CEPT1: variants seen among roughly 807,000 people sequenced by gnomAD.
The protein encoded by CEPT1 is choline/ethanolamine phosphotransferase 1.
In CEPT1, 7 loss-of-function variants were observed where a neutral mutation model predicts 42.6. That is an observed-to-expected ratio of 0.16 (90% confidence interval 0.09 to 0.31). The LOEUF is 0.31. Among genes scored for constraint, CEPT1 ranks in the 10% least tolerant of loss-of-function variants. CEPT1 has a pLI of 1.00. For synonymous variants in CEPT1, 171 were observed against 171.9 expected, an observed-to-expected ratio of 0.99 and a Z score of 0.04; for missense variants, 306 against 502.1, an observed-to-expected ratio of 0.61 and a Z score of 3.73.
chr1:111,162,019 A>G (rs986657886), intron 4 of CEPT1, among the ~76,000 whole-genome samples: 3 of 152,338 alleles, frequency 2.0e-5, no homozygotes, highest in Admixed American at 6.5e-5. Context: ...ATGTATTTAG[A>G]GAACTGTAAA....
chr1:111,180,620 A>G (rs943502084), intron 5 of CEPT1: 4 of 152,236 alleles, frequency 2.6e-5, no homozygotes, highest in Non-Finnish European at 5.9e-5. Flanking sequence ...ACACTGCTAC[A>G]GTACAATTTA....
chr1:111,144,690 G>T (rs573469823), intron 1 of CEPT1, among the ~76,000 whole-genome samples: 1 of 152,248 alleles, frequency 6.6e-6, no homozygotes, highest in African/African-American at 2.4e-5. Context: ...TACAGTAAGA[G>T]AATAGAATAC....
chr1:111,141,608 GT>G (rs1009770495), intron 1 of CEPT1, among the ~76,000 whole-genome samples: 1 of 151,936 alleles, frequency 6.6e-6, no homozygotes, highest in East Asian at 1.9e-4. Context: ...GTGTGTGTGT[GT>G]TTTTTTAAGG....
rs112315218 is a variant in CEPT1 at position 111,154,404 on chromosome 1, T to C, written c.340-4976T>C. On this transcript the variant is annotated intron_variant, in intron 2 of 8. Transcript: ENST00000357172. ...TGAGTTTTTTGATGCAGTCTTTAAG[T>C]TTTCCCATATATAAGTTCATATAAT... Among the ~76,000 whole-genome samples the C allele has an allele frequency of 6.9e-3, 1,049 of 152,182 alleles. 14 individuals are homozygous for C. The highest frequency in any genetic ancestry group is 0.021 in the African/African-American group (873 of 41,506).
At chr1:111,177,594 G>A (rs1031388742) in intron 5 of CEPT1, among the ~76,000 whole-genome samples, 1 of 151,940 alleles carries the variant, frequency 6.6e-6, no homozygotes, top group African/African-American at 2.4e-5. Flanking sequence ...AATTCCTTCA[G>A]GTATACTTTT....
intron 3 of CEPT1, chr1:111,160,941 T>C: frequency 1.8e-6 from 1 of 557,204 alleles, no homozygotes; most frequent in South Asian, 2.1e-5. Flanking sequence ...TTGCTTCCAC[T>C]AAGTGATTTG....
chr1:111,162,625 T>C (rs970022714), intron 4 of CEPT1, among the ~76,000 whole-genome samples: 1 of 152,224 alleles, frequency 6.6e-6, no homozygotes, highest in African/African-American at 2.4e-5. Context: ...ATGAAATTTA[T>C]TGAACAGCCA....
intron 5 of CEPT1, chr1:111,181,207 T>G (rs1311244039): frequency 2.6e-5 from 4 of 152,154 alleles, no homozygotes; most frequent in Non-Finnish European, 1.5e-5. Flanking sequence ...AACTCATGGC[T>G]TATTAAACCA....
At chr1:111,151,123 T>G (rs944656607) in intron 2 of CEPT1, among the ~76,000 whole-genome samples, 2 of 143,286 alleles carry the variant, frequency 1.4e-5, no homozygotes, top group African/African-American at 2.6e-5. Context: ...TGTTTTTTTT[T>G]GTTTGTTTTT....
chr1:111,144,529 A>G (rs1462727061), intron 1 of CEPT1, among the ~76,000 whole-genome samples: 3 of 152,220 alleles, frequency 2.0e-5, no homozygotes, highest in African/African-American at 7.2e-5. Context: ...AGAAGGTTAA[A>G]AAACAATCTA....
At chr1:111,167,796 A>T (rs998369395) in intron 4 of CEPT1, 1 of 899,260 alleles carries the variant, frequency 1.1e-6, no homozygotes, top group African/African-American at 1.8e-5. Context: ...TCATGTTACT[A>T]TAGTCATTCT....
chr1:111,169,757 T>C (rs1656329630), intron 4 of CEPT1, among the ~76,000 whole-genome samples: 1 of 152,216 alleles, frequency 6.6e-6, no homozygotes, highest in Non-Finnish European at 1.5e-5. Flanking sequence ...TGTTTCTAAG[T>C]GAATTTGATT....
intron 5 of CEPT1, among the ~76,000 whole-genome samples, chr1:111,176,427 T>G (rs1656679422): frequency 6.6e-6 from 1 of 152,140 alleles, no homozygotes; most frequent in Non-Finnish European, 1.5e-5. Context: ...CTATGGTGAT[T>G]ATTATTTTTA....
intron 5 of CEPT1, chr1:111,178,859 T>C (rs1237612585): frequency 1.3e-5 from 2 of 152,326 alleles, no homozygotes; most frequent in Non-Finnish European, 2.9e-5. Flanking sequence ...ATTGATTATA[T>C]CTCATTCTTG....
intron 7 of CEPT1, among the ~76,000 whole-genome samples, 176 bp from the exon 8 acceptor site, chr1:111,183,286 G>C (rs1657081244): frequency 6.6e-6 from 1 of 152,142 alleles, no homozygotes; most frequent in South Asian, 2.1e-4. Flanking sequence ...TAGTTGACAT[G>C]ATACATCCCT....
In CEPT1 at chr1:111,184,233, TGCAA is replaced by T. The variant is rs767489870; in HGVS notation, c.1175_1178del (p.Cys392PhefsTer31). 1.2e-6 allele frequency: 2 copies of T among 1,613,686 alleles called. No individual in the cohort carries two copies. Among genetic ancestry groups the T allele is most frequent in the Non-Finnish European group, 1.7e-6 (2 of 1,179,614 alleles). The stretch of plus-strand genomic sequence containing the variant: ...TTTGATCCGCTACTGTGTCAGTGTT[TGCAA>T]TCAGATTGCGTCTCACCTGCACATA... On this transcript the variant is annotated frameshift_variant, in exon 9 of 9. Coordinates refer to ENST00000357172, the MANE Select transcript of CEPT1 (RefSeq NM_006090.5). LOFTEE classifies it high-confidence loss of function.
chr1:111,158,902 C>CTTTTTTTTT lies in CEPT1; in HGVS notation c.340-457_340-449dup, dbSNP rs149230078. ...CAGGAAATTTAATTCTTTTACAATT[C>CTTTTTTTTT]TTTTTTTTTTTTTTTTTTTTTTTTT... is the stretch of plus-strand genomic sequence containing the variant. On this transcript the variant is annotated intron_variant, in intron 2 of 8. Transcript: ENST00000357172. 9.7e-4 allele frequency among the ~76,000 whole-genome samples: 54 copies of CTTTTTTTTT among 55,462 alleles called. 9 individuals are homozygous for CTTTTTTTTT. The highest frequency in any genetic ancestry group is 1.4e-3 in the Non-Finnish European group (41 of 28,816). The allele number at this position is 55,462 out of a possible 152,430, so 36.4% of individuals were successfully genotyped here.
In CEPT1 at chr1:111,159,204, C is replaced by T. The variant is rs558306146; in HGVS notation, c.340-176C>T. On this transcript the variant is annotated intron_variant, in intron 2 of 8. Coordinates refer to ENST00000357172, the MANE Select transcript of CEPT1 (RefSeq NM_006090.5). ...TGCTGGGATTACAGGCGTGAGCCAC[C>T]GCGCCCGGCATTCTTTTACAATTCT... Among the ~76,000 whole-genome samples, 15 of 150,080 alleles carry T rather than the reference C, an allele frequency of 1.0e-4. No homozygotes were observed. The South Asian group carries it at 1.9e-3, about 19-fold the overall frequency.
chr1:111,172,390 A>G (rs950887151), intron 4 of CEPT1, among the ~76,000 whole-genome samples: 5 of 152,338 alleles, frequency 3.3e-5, no homozygotes, highest in East Asian at 1.9e-4. Flanking sequence ...AATAATAACA[A>G]TAAAAAGGAA....
Sources: gnomAD v4.1 joint callset for allele counts (sites outside exome capture counted in the v4.1 genomes callset) on GRCh38, gnomAD v4.1.1 for gene constraint, MANE v1.5 for transcripts, NCBI Gene and HGNC (gene_info 2026-07-23, HGNC 2026-07-21) for gene names.